The following NMI variants were observed in gnomAD, a reference collection of about 807,000 sequenced individuals.
NMI encodes the protein N-myc and STAT interactor.
Under a neutral mutation model 34.3 loss-of-function variants are expected in NMI, and 39 were observed. The ratio of observed to expected loss-of-function variants is 1.14; its 90% CI spans 0.88 to 1.49. The LOEUF is 1.49. Ranked by LOEUF, NMI falls within the 40% of genes most tolerant of loss-of-function variation. NMI has a pLI of 0.00. For missense variants in NMI, 339 were observed against 358.1 expected (o/e 0.95, Z 0.43); for synonymous variants, 113 against 120.3 (o/e 0.94, Z 0.40).
chr2:151,270,679 T>C lies in NMI; in HGVS notation c.*14A>G, dbSNP rs773057326. ...CCGGGTTAAAAAGCTATAGTTTTCA[T>C]GATTCTGTTAAGTCTATTCTTCAAA... is the stretch of plus-strand genomic sequence containing the variant. On this transcript the variant is annotated 3_prime_UTR_variant, in exon 8 of 8. Transcript: ENST00000243346. 1.3e-6 allele frequency: 2 copies of C among 1,583,900 alleles called. No individual in the cohort carries two copies. Among genetic ancestry groups the C allele is most frequent in the Admixed American group, 1.8e-5 (1 of 55,642 alleles).
intron 6 of NMI, among the ~76,000 whole-genome samples, chr2:151,272,781 A>G (rs4665137): frequency 0.36 from 54,732 of 152,076 alleles, 12,026 homozygotes; most frequent in Admixed American, 0.5. Flanking sequence ...GATACATACC[A>G]CAACATGGAT....
In NMI at chr2:151,270,486, T is replaced by C. The variant is rs972802303; in HGVS notation, c.*207A>G. 2 of 532,296 alleles carry C rather than the reference T, an allele frequency of 3.8e-6. No individual in the cohort carries two copies. The highest frequency in any genetic ancestry group is 6.5e-6 in the Non-Finnish European group (2 of 305,546). 33.0% of individuals were successfully genotyped at this position (532,296 alleles called of 1,614,324 possible). ...CACATAATCTATAAACAAAACTTTT[T>C]ATTACAGTGCACTTATTGTAGTTGA... On this transcript the variant is annotated 3_prime_UTR_variant, in exon 8 of 8. Coordinates refer to ENST00000243346, the MANE Select transcript of NMI (RefSeq NM_004688.3).
intron 1 of NMI, among the ~76,000 whole-genome samples, chr2:151,286,960 TC>T (rs1409657490): frequency 6.6e-6 from 1 of 152,096 alleles, no homozygotes; most frequent in African/African-American, 2.4e-5. Flanking sequence ...CCTTTGCCCT[TC>T]AGAGAGCAAA....
chr2:151,275,920 G>T (rs553213458), intron 4 of NMI, 56 bp from the exon 5 acceptor site: 2 of 1,153,786 alleles, frequency 1.7e-6, no homozygotes, highest in South Asian at 2.9e-5. Context: ...GAATTGTTAT[G>T]CTTTTGGTTT....
chr2:151,276,306 G>A (rs1417208462), intron 4 of NMI, among the ~76,000 whole-genome samples: 7 of 152,012 alleles, frequency 4.6e-5, no homozygotes, highest in Admixed American at 3.3e-4. Flanking sequence ...CTCCTGCATC[G>A]GACTCCCAGA....
Position 151,271,683 on chromosome 2 carries a change from T to C in NMI, c.684A>G (p.Gln228=). ...GAGAAACAGTAACTCTATGGCAGGT[T>C]TGATTTATATAAAGAGGGTATTCTT... ...KKKEYPLYIN[Q]TCHRVTVSPY... is the part of the protein sequence containing the mutation. Residue 228 remains glutamine, a synonymous_variant, in exon 7 of 8, where the codon CAA becomes CAG. Coordinates refer to ENST00000243346, the MANE Select transcript of NMI (RefSeq NM_004688.3). 1.3e-6 allele frequency: 2 copies of C among 1,590,714 alleles called. No homozygotes were observed. Among genetic ancestry groups the C allele is most frequent in the Non-Finnish European group, 1.7e-6 (2 of 1,160,508 alleles).
Position 151,270,695 on chromosome 2 carries a change from A to G in NMI, c.922T>C (p.Ter308GlnextTer2), listed in dbSNP as rs774182644. The G allele has an allele frequency of 4.7e-5, 76 of 1,610,126 alleles. No homozygotes were observed. The highest frequency in any genetic ancestry group is 8.9e-5 in the East Asian group (4 of 44,760). Residue 308 changes from the stop codon to glutamine (Q), a stop_lost, in exon 8 of 8, where the codon TAG (stop) becomes CAG (glutamine). Coordinates refer to ENST00000243346, the MANE Select transcript of NMI (RefSeq NM_004688.3). ...TAGTTTTCATGATTCTGTTAAGTCT[A>G]TTCTTCAAAGTATGCTATGTGAGGT... Reference protein sequence around the residue: ...GQPHIAYFEE* With the variant: ...GQPHIAYFEEQ
chr2:151,286,287 T>C (rs1683494800), intron 1 of NMI, among the ~76,000 whole-genome samples: 1 of 152,112 alleles, frequency 6.6e-6, no homozygotes. Flanking sequence ...CAAACTCAAA[T>C]TGAGGGGTTC....
At chr2:151,288,302 T>C (rs1289720012) in intron 1 of NMI, among the ~76,000 whole-genome samples, 1 of 152,112 alleles carries the variant, frequency 6.6e-6, no homozygotes, top group East Asian at 1.9e-4. Context: ...TGAGGCTACT[T>C]AAAAGTGAAA....
At chr2:151,285,151 G>A (rs1466458316) in intron 1 of NMI, among the ~76,000 whole-genome samples, 2 of 152,118 alleles carry the variant, frequency 1.3e-5, no homozygotes, top group Admixed American at 1.3e-4. Context: ...GGGACATGGG[G>A]ACCCAACTGA....
chr2:151,271,759 G>T, intron 6 of NMI, 27 bp from the exon 7 acceptor site: 1 of 1,113,380 alleles, frequency 9.0e-7, no homozygotes, highest in Non-Finnish European at 1.4e-6. Flanking sequence ...AACAATACTT[G>T]TCTTTTTTAT....
At chr2:151,289,252 C>CAAA (rs5835358) in intron 1 of NMI, among the ~76,000 whole-genome samples, 27 of 74,258 alleles carry the variant, frequency 3.6e-4, no homozygotes, top group African/African-American at 7.5e-4. Flanking sequence ...GACTCCGTCT[C>CAAA]AAAAAAAAAA....
At chr2:151,281,681 T>A (rs940402959) in intron 3 of NMI, among the ~76,000 whole-genome samples, 2 of 152,198 alleles carry the variant, frequency 1.3e-5, no homozygotes, top group Non-Finnish European at 2.9e-5. Context: ...ACATTGTGTT[T>A]ATGAAACTCA....
At chr2:151,274,824 T>C (rs1423093333) in intron 6 of NMI, among the ~76,000 whole-genome samples, 1 of 151,910 alleles carries the variant, frequency 6.6e-6, no homozygotes, top group Non-Finnish European at 1.5e-5. Context: ...TTATTTCACC[T>C]TCCTTAAAAA....
intron 6 of NMI, among the ~76,000 whole-genome samples, chr2:151,274,600 C>T (rs967677448): frequency 2.0e-5 from 3 of 150,902 alleles, no homozygotes; most frequent in South Asian, 2.1e-4. Context: ...CTGAGCCCCC[C>T]GAGTAGCTGG....
chr2:151,270,735 C>T lies in NMI; in HGVS notation c.882G>A (p.Lys294=). 6.2e-7 allele frequency: 1 copy of T among 1,614,054 alleles called. No individual in the cohort carries two copies. Among genetic ancestry groups the T allele is most frequent in the Non-Finnish European group, 8.5e-7 (1 of 1,179,964 alleles). ...CTATGTGAGGTTGACCTAGAGAACACTTGACCACATCTACTTCTCCACCTC... is the reference window on the plus strand; with the variant it reads ...CTATGTGAGGTTGACCTAGAGAACATTTGACCACATCTACTTCTCCACCTC... ...KNGGGEVDVV[K]CSLGQPHIAY... is the part of the protein sequence containing the mutation. Residue 294 remains lysine, a synonymous_variant, in exon 8 of 8, where the codon AAG becomes AAA. Coordinates refer to ENST00000243346, the MANE Select transcript of NMI (RefSeq NM_004688.3).
intron 1 of NMI, among the ~76,000 whole-genome samples, chr2:151,284,086 G>A (rs1238946468): frequency 1.3e-5 from 2 of 152,018 alleles, no homozygotes; most frequent in African/African-American, 4.8e-5. Context: ...GGCCGGGCGC[G>A]GTGGCTCATG....
intron 1 of NMI, among the ~76,000 whole-genome samples, chr2:151,283,982 T>C (rs1343714448): frequency 1.3e-5 from 2 of 152,258 alleles, no homozygotes; most frequent in Non-Finnish European, 2.9e-5. Context: ...CCACTAGGTC[T>C]TGTAATATAT....
chr2:151,280,231 G>T (rs959293121), intron 3 of NMI, among the ~76,000 whole-genome samples: 1 of 149,470 alleles, frequency 6.7e-6, no homozygotes, highest in Admixed American at 6.7e-5. Flanking sequence ...ATAAAGGTAG[G>T]TGGTTATACT....
Sources: allele counts gnomAD v4.1 joint callset (sites outside exome capture counted in the v4.1 genomes callset), GRCh38; gene constraint gnomAD v4.1.1; transcripts MANE v1.5; gene names NCBI Gene and HGNC (gene_info 2026-07-23, HGNC 2026-07-21).